The following FAM184A variants were observed in gnomAD, a reference collection of about 807,000 sequenced individuals.
The protein encoded by FAM184A is family with sequence similarity 184 member A.
FAM184A carries 99 observed loss-of-function variants against 143.8 expected under a neutral mutation model. That is an observed-to-expected ratio of 0.69 (90% CI 0.58 to 0.81). The LOEUF (loss-of-function observed/expected upper bound fraction) is 0.81. FAM184A is among the 40% of genes least tolerant of loss of function. The probability of loss-of-function intolerance (pLI) is 0.00; values close to 1 mark genes in which losing one functional copy is unlikely to be tolerated. For missense variants in FAM184A, 1,217 were observed against 1,310.5 expected (o/e 0.93, Z 1.10); for synonymous variants, 427 against 446.4 (o/e 0.96, Z 0.55).
upstream of FAM184A, among the ~76,000 whole-genome samples, chr6:119,079,535 T>G (rs1787999443): frequency 6.6e-6 from 1 of 152,208 alleles, no homozygotes; most frequent in African/African-American, 2.4e-5. Context: ...CCCCTGCAAG[T>G]CAAATGATTT....
At position 119,073,070 on chromosome 6, in the gene FAM184A, AAAAC is replaced by A. The variant is rs547090601; in HGVS notation, c.159+5067_159+5070del. 1.8e-4 allele frequency among the ~76,000 whole-genome samples: 27 copies of A among 152,354 alleles called. No homozygotes were observed. In the East Asian group the frequency reaches 4.6e-3, roughly 26 times the overall value. ...CTGAGAACCTTACAGTCAAATTATG[AAAAC>A]AAAGTATATTTATAAACACAATAAA... is the stretch of plus-strand genomic sequence containing the variant. On this transcript the variant is annotated intron_variant, in intron 1 of 17. Transcript: ENST00000338891.
chr6:119,070,602 TG>T (rs931883700), intron 1 of FAM184A, among the ~76,000 whole-genome samples: 1 of 151,170 alleles, frequency 6.6e-6, no homozygotes, highest in African/African-American at 2.4e-5. Flanking sequence ...TTTATAACAT[TG>T]TTTTTCTTTA....
intron 1 of FAM184A, among the ~76,000 whole-genome samples, chr6:119,117,366 G>C (rs1789087379): frequency 6.6e-6 from 1 of 152,262 alleles, no homozygotes; most frequent in Non-Finnish European, 1.5e-5. Context: ...GATCCATGTA[G>C]AGAATGTTCA....
Position 119,024,201 on chromosome 6 carries a change from A to C in FAM184A, c.772T>G (p.Phe258Val). 1 of 1,614,242 alleles carries C rather than the reference A, an allele frequency of 6.2e-7. No individual in the cohort carries two copies. Among genetic ancestry groups the C allele is most frequent in the Admixed American group, 1.7e-5 (1 of 60,018 alleles). ...AAAGTATCAAGCTCACGTTCATAAA[A>C]GGACTGAGCTTTATTCAACTTGCCT... ...YEGKLNKAQS[F>V]YERELDTLKR... The change falls in exon 2 of 18, where the codon TTT (phenylalanine) becomes GTT (valine). Residue 258 changes from phenylalanine to valine, a missense_variant. Coordinates refer to ENST00000338891, the MANE Select transcript of FAM184A (RefSeq NM_024581.6).
At chr6:119,146,297 T>A (rs984719901) in intron 1 of FAM184A, among the ~76,000 whole-genome samples, 1 of 152,056 alleles carries the variant, frequency 6.6e-6, no homozygotes, top group African/African-American at 2.4e-5. Context: ...CATTCCACAC[T>A]GGCCCGCAGT....
At chr6:119,070,853 C>T (rs1161256926) in intron 1 of FAM184A, among the ~76,000 whole-genome samples, 1 of 151,972 alleles carries the variant, frequency 6.6e-6, no homozygotes, top group Non-Finnish European at 1.5e-5. Flanking sequence ...CATTCACATC[C>T]TTTCCATTTC....
At chr6:119,059,249 G>A (rs78141250) in intron 1 of FAM184A, among the ~76,000 whole-genome samples, 7,981 of 152,166 alleles carry the variant, frequency 0.052, 280 homozygotes, top group African/African-American at 0.097. Flanking sequence ...CAAAATGTGG[G>A]GATTATAGGT....
intron 6 of FAM184A, among the ~76,000 whole-genome samples, chr6:119,010,455 C>A (rs1368935027): frequency 6.6e-6 from 1 of 152,126 alleles, no homozygotes. Flanking sequence ...TCATTGATTT[C>A]ATTTCCAGTT....
chr6:118,971,461 A>T (rs1158322461), intron 14 of FAM184A, among the ~76,000 whole-genome samples: 1 of 152,168 alleles, frequency 6.6e-6, no homozygotes, highest in Non-Finnish European at 1.5e-5. Context: ...ATCTTTTTGC[A>T]TATTAAAAAT....
At chr6:119,092,630 T>C (rs1451405216) in intron 1 of FAM184A, among the ~76,000 whole-genome samples, 2 of 152,184 alleles carry the variant, frequency 1.3e-5, no homozygotes, top group Non-Finnish European at 2.9e-5. Context: ...CTAACAGCCC[T>C]TGAAAGGTCT....
intron 6 of FAM184A, among the ~76,000 whole-genome samples, chr6:119,008,837 T>C (rs794260): frequency 0.57 from 87,044 of 152,014 alleles, 25,299 homozygotes; most frequent in East Asian, 0.76. Context: ...CACATATTTA[T>C]ACTTATCATC....
chr6:119,106,812 A>G (rs1055804331), intron 1 of FAM184A, among the ~76,000 whole-genome samples: 59 of 152,352 alleles, frequency 3.9e-4, no homozygotes, highest in African/African-American at 1.3e-3. Flanking sequence ...GGTAAGGTTT[A>G]TTTCACACTA....
intron 15 of FAM184A, among the ~76,000 whole-genome samples, chr6:118,965,769 T>C (rs1161138468): frequency 1.3e-5 from 2 of 152,218 alleles, no homozygotes; most frequent in South Asian, 4.1e-4. Flanking sequence ...GTTGCTTTAC[T>C]GTATTTGCTG....
chr6:119,117,333 G>C (rs938570506), intron 1 of FAM184A, among the ~76,000 whole-genome samples: 1 of 152,228 alleles, frequency 6.6e-6, no homozygotes, highest in Admixed American at 6.5e-5. Context: ...AGGAAACAGG[G>C]AAGAGGGAAG....
At chr6:118,974,903 G>A in intron 13 of FAM184A, 121 bp downstream of exon 13, 2 of 682,472 alleles carry the variant, frequency 2.9e-6, no homozygotes, top group Non-Finnish European at 4.9e-6. Context: ...AGTAAAAAGA[G>A]GTCTTCAATA....
intron 1 of FAM184A, among the ~76,000 whole-genome samples, chr6:119,052,073 C>G (rs778644436): frequency 5.9e-5 from 9 of 152,172 alleles, no homozygotes; most frequent in Non-Finnish European, 1.3e-4. Context: ...ACATAGTGAT[C>G]TCTATTATGT....
intron 1 of FAM184A, among the ~76,000 whole-genome samples, chr6:119,041,011 T>A (rs1786308083): frequency 6.6e-6 from 1 of 152,182 alleles, no homozygotes; most frequent in African/African-American, 2.4e-5. Context: ...CACTTCCTCC[T>A]TTAGCTCCCA....
intron 1 of FAM184A, among the ~76,000 whole-genome samples, chr6:119,107,966 A>G (rs1378980183): frequency 6.6e-6 from 1 of 152,180 alleles, no homozygotes; most frequent in Non-Finnish European, 1.5e-5. Context: ...TTCTTTACAA[A>G]TATGAACTGA....
rs564317785 is a variant in FAM184A, at chr6:118,980,056, GA to G, written c.2301+81del. 5.3e-4 allele frequency: 663 copies of G among 1,240,274 alleles called. 7 individuals carry two copies. The South Asian group carries it at 6.3e-3, about 12-fold the overall frequency. The allele number at this position is 1,240,274 out of a possible 1,614,324, so 76.8% of individuals were successfully genotyped here. The stretch of plus-strand genomic sequence containing the variant: ...GAGTGAGACCCTGTCTCAAAAAATA[GA>G]AAAAAAAATTTTTTTAATTTGAAGA... On this transcript the variant is annotated intron_variant, in intron 10 of 17. Coordinates refer to ENST00000338891, the MANE Select transcript of FAM184A (RefSeq NM_024581.6).
Sources: gnomAD v4.1 joint callset for allele counts (sites outside exome capture counted in the v4.1 genomes callset) on GRCh38, gnomAD v4.1.1 for gene constraint, MANE v1.5 for transcripts, NCBI Gene and HGNC (gene_info 2026-07-23, HGNC 2026-07-21) for gene names.